The following RYR2 variants were observed in gnomAD, a reference collection of about 807,000 sequenced individuals.
RYR2 encodes ryanodine receptor 2.
A neutral mutation model predicts 601.1 loss-of-function variants in RYR2; 227 were observed. The observed-to-expected ratio is 0.38, with a 90% CI of 0.34 to 0.42. The LOEUF is 0.42. RYR2 is among the 10% of genes least tolerant of loss of function. The probability of loss-of-function intolerance (pLI) is 1.00; values close to 1 mark genes in which losing one functional copy is unlikely to be tolerated. For missense variants in RYR2, 4,646 were observed against 6,156.5 expected (o/e 0.75, Z 8.21); for synonymous variants, 2,223 against 2,175.1 (o/e 1.02, Z -0.61).
intron 71 of RYR2, among the ~76,000 whole-genome samples, chr1:237,716,470 A>G (rs999726993): frequency 6.6e-6 from 1 of 152,188 alleles, no homozygotes; most frequent in Admixed American, 6.5e-5. Flanking sequence ...ACATTAGAAC[A>G]TGCCATCTTG....
At chr1:237,057,220 ATGTCGCCC>A (rs1662263339) in intron 1 of RYR2, among the ~76,000 whole-genome samples, 1 of 151,836 alleles carries the variant, frequency 6.6e-6, no homozygotes, top group African/African-American at 2.4e-5. Flanking sequence ...GAATCTTGCT[ATGTCGCCC>A]AGGCTGGAGT....
intron 71 of RYR2, among the ~76,000 whole-genome samples, chr1:237,712,529 C>T (rs1470631585): frequency 6.6e-6 from 1 of 151,888 alleles, no homozygotes; most frequent in Non-Finnish European, 1.5e-5. Context: ...TAAAGACATG[C>T]TTCACACACA....
Position 237,496,648 on chromosome 1 carries a change from C to G in RYR2, c.2099C>G (p.Thr700Ser), listed in dbSNP as rs1300159007. 6.2e-7 allele frequency: 1 copy of G among 1,613,942 alleles called. No individual in the cohort carries two copies. Among genetic ancestry groups the G allele is most frequent in the Admixed American group, 1.7e-5 (1 of 60,012 alleles). The change falls in exon 20 of 105, where the codon ACT becomes AGT. Residue 700 changes from threonine (T) to serine (S), a missense_variant. Around this residue, in one of 17 missense-constraint regions of RYR2, gnomAD observed 1,807 missense variants for 2,088.1 expected, o/e 0.87. Coordinates refer to ENST00000366574, the MANE Select transcript of RYR2 (RefSeq NM_001035.3). The part of the protein sequence containing the change: ...ATHLRVGWAS[T>S]EGYSPYPGGG... ...CACCTGCGAGTGGGCTGGGCTTCCA[C>G]TGAAGGATATTCTCCCTACCCTGGA...
chr1:237,090,551 A>T (rs1346708974), intron 1 of RYR2, among the ~76,000 whole-genome samples: 3 of 152,210 alleles, frequency 2.0e-5, no homozygotes, highest in Non-Finnish European at 2.9e-5. Flanking sequence ...TTTACTTTAG[A>T]TGTCTGACCT....
chr1:237,755,014 T>G, intron 80 of RYR2: 1 of 1,133,014 alleles, frequency 8.8e-7, no homozygotes, highest in South Asian at 1.3e-5. Context: ...ACAGGAGCGC[T>G]AACTATAGTG....
chr1:237,476,006 C>G (rs903039233), intron 17 of RYR2, among the ~76,000 whole-genome samples: 1 of 152,140 alleles, frequency 6.6e-6, no homozygotes, highest in African/African-American at 2.4e-5. Flanking sequence ...GTTCTCAGTC[C>G]TTGAAATACG....
intron 93 of RYR2, 190 bp downstream of exon 93, chr1:237,791,705 A>G: frequency 1.7e-6 from 1 of 580,436 alleles, no homozygotes; most frequent in Non-Finnish European, 3.0e-6. Flanking sequence ...GAAGTGAGAA[A>G]TGCCTCAACT....
At chr1:237,421,599 T>C (rs1302707274) in intron 11 of RYR2, among the ~76,000 whole-genome samples, 2 of 152,202 alleles carry the variant, frequency 1.3e-5, no homozygotes, top group Non-Finnish European at 2.9e-5. Context: ...TGATTTATAA[T>C]TTACTAAAAG....
At chr1:237,529,923 T>C (rs1261862791) in intron 24 of RYR2, among the ~76,000 whole-genome samples, 1 of 152,100 alleles carries the variant, frequency 6.6e-6, no homozygotes, top group Non-Finnish European at 1.5e-5. Flanking sequence ...TACTTTTCAG[T>C]GTATTCCTTT....
At chr1:237,350,571 CAAAAAA>C (rs1167546068) in intron 3 of RYR2, among the ~76,000 whole-genome samples, 894 of 26,952 alleles carry the variant, frequency 0.033, 48 homozygotes, top group African/African-American at 0.092. Flanking sequence ...GACTCTGTCT[CAAAAAA>C]AAAAAAAAAA....
intron 10 of RYR2, among the ~76,000 whole-genome samples, chr1:237,416,108 A>G (rs1704954741): frequency 6.6e-6 from 1 of 152,226 alleles, no homozygotes; most frequent in Non-Finnish European, 1.5e-5. Context: ...TTAAAAAGAA[A>G]GTAAGTCTAT....
intron 2 of RYR2, among the ~76,000 whole-genome samples, chr1:237,300,071 C>T (rs1040313463): frequency 1.3e-5 from 2 of 152,084 alleles, no homozygotes; most frequent in Non-Finnish European, 2.9e-5. Flanking sequence ...ATTTGAGGCC[C>T]GAGTTTTCAC....
chr1:237,600,758 C>A (rs936298402), intron 34 of RYR2, among the ~76,000 whole-genome samples: 1 of 151,916 alleles, frequency 6.6e-6, no homozygotes, highest in Non-Finnish European at 1.5e-5. Context: ...ATAGTAAAAA[C>A]AATCTGATTT....
chr1:237,123,005 G>C (rs113602025), intron 1 of RYR2, among the ~76,000 whole-genome samples: 1 of 152,176 alleles, frequency 6.6e-6, no homozygotes, highest in African/African-American at 2.4e-5. Flanking sequence ...CAAATGTAAA[G>C]GCTATAGGGG....
intron 3 of RYR2, among the ~76,000 whole-genome samples, chr1:237,350,594 A>T (rs1355941254): frequency 0.016 from 1,465 of 89,392 alleles, 63 homozygotes; most frequent in African/African-American, 0.063. Context: ...AAAAAAAAAA[A>T]AAAAAAAAAT....
chr1:237,408,296 C>T (rs1157848832), intron 10 of RYR2, among the ~76,000 whole-genome samples: 1 of 151,354 alleles, frequency 6.6e-6, no homozygotes, highest in African/African-American at 2.4e-5. Flanking sequence ...TGTTCCAGCA[C>T]TGTTTGTTGA....
At chr1:237,580,573 G>A (rs1231918230) in intron 29 of RYR2, among the ~76,000 whole-genome samples, 1 of 152,054 alleles carries the variant, frequency 6.6e-6, no homozygotes, top group Admixed American at 6.6e-5. Context: ...GGGTTCCTTG[G>A]GGCTCCACAC....
intron 22 of RYR2, among the ~76,000 whole-genome samples, chr1:237,505,286 A>G (rs950315060): frequency 2.0e-5 from 3 of 152,194 alleles, no homozygotes; most frequent in South Asian, 2.1e-4. Flanking sequence ...GAGGTTGGCT[A>G]TGAATTCAAT....
At chr1:237,611,978 T>C (rs1677920473) in intron 36 of RYR2, among the ~76,000 whole-genome samples, 1 of 152,100 alleles carries the variant, frequency 6.6e-6, no homozygotes, top group African/African-American at 2.4e-5. Context: ...ACATGAATAT[T>C]CATAGAAGCA....
Sources: gnomAD v4.1 joint callset for allele counts (sites outside exome capture counted in the v4.1 genomes callset) on GRCh38, gnomAD v4.1.1 for gene constraint, gnomAD v4.1.1 regional missense constraint, MANE v1.5 for transcripts, NCBI Gene and HGNC (gene_info 2026-07-23, HGNC 2026-07-21) for gene names.